DENND1A: variants seen among roughly 807,000 people sequenced by gnomAD.
The protein encoded by DENND1A is DENN domain containing 1A.
DENND1A carries 51 observed loss-of-function variants against 113.7 expected under a neutral mutation model. The ratio of observed to expected loss-of-function variants is 0.45; its 90% CI spans 0.36 to 0.57. The LOEUF is 0.57. Ranked by LOEUF, DENND1A falls within the 20% of genes least tolerant of loss-of-function variation. The pLI, the probability that DENND1A is intolerant of heterozygous loss-of-function variation, is 0.00. For missense variants in DENND1A, 1,258 were observed against 1,395.9 expected (o/e 0.90, Z 1.57); for synonymous variants, 565 against 570.8 (o/e 0.99, Z 0.14).
At chr9:123,601,091 T>C (rs963912322) in intron 11 of DENND1A, among the ~76,000 whole-genome samples, 6 of 152,216 alleles carry the variant, frequency 3.9e-5, no homozygotes, top group Admixed American at 3.3e-4. Context: ...TAAATGATGA[T>C]AGGAAAATAC....
intron 2 of DENND1A, among the ~76,000 whole-genome samples, chr9:123,847,741 C>T (rs989605565): frequency 2.0e-5 from 3 of 152,154 alleles, no homozygotes; most frequent in African/African-American, 4.8e-5. Context: ...TTGAGACCTG[C>T]CTGGCCAATA....
intron 13 of DENND1A, among the ~76,000 whole-genome samples, chr9:123,501,749 T>C (rs2052506003): frequency 6.6e-6 from 1 of 152,198 alleles, no homozygotes; most frequent in South Asian, 2.1e-4. Context: ...GTGGGCACCA[T>C]CTAATCAGCT....
At chr9:123,482,108 T>C (rs1044974458) in intron 13 of DENND1A, among the ~76,000 whole-genome samples, 20 of 151,176 alleles carry the variant, frequency 1.3e-4, no homozygotes, top group Non-Finnish European at 8.8e-5. Flanking sequence ...TCGGCCTTTA[T>C]TCTTTTTCAG....
intron 13 of DENND1A, among the ~76,000 whole-genome samples, chr9:123,496,562 C>A (rs2051934536): frequency 6.6e-6 from 1 of 152,230 alleles, no homozygotes; most frequent in Admixed American, 6.5e-5. Context: ...ACAGAACACA[C>A]TTTGTTAATT....
At position 123,422,642 on chromosome 9, in the gene DENND1A, TA is replaced by T. The variant is rs2045398637; in HGVS notation, c.1489-10814del. ...CCTCAGCAGAGTTTAAAATCCTAGC[TA>T]ATAGGTTAACAACTGTTTTTCTTCA... On this transcript the variant is annotated intron_variant, in intron 19 of 23. Transcript: ENST00000394215. The surrounding 1 kb of genome is among the most constrained non-coding windows in gnomAD (Gnocchi z 4.8). 6.6e-6 allele frequency among the ~76,000 whole-genome samples: 1 copy of T among 152,172 alleles called. No individual in the cohort carries two copies. The highest frequency in any genetic ancestry group is 1.5e-5 in the Non-Finnish European group (1 of 68,026).
intron 2 of DENND1A, among the ~76,000 whole-genome samples, chr9:123,843,871 T>C (rs1262329036): frequency 2.0e-5 from 3 of 152,140 alleles, no homozygotes; most frequent in African/African-American, 7.2e-5. Flanking sequence ...AATAAAGTAC[T>C]TACGATAGAA....
intron 5 of DENND1A, among the ~76,000 whole-genome samples, chr9:123,744,793 GAC>G (rs1192353605): frequency 2.2e-4 from 7 of 32,536 alleles, no homozygotes; most frequent in African/African-American, 3.3e-4. Context: ...TTTTTTTTTT[GAC>G]ACAGAGTCTT....
intron 11 of DENND1A, among the ~76,000 whole-genome samples, chr9:123,602,847 G>A (rs1378548807): frequency 6.6e-6 from 1 of 152,154 alleles, no homozygotes; most frequent in African/African-American, 2.4e-5. Flanking sequence ...TTTTGTTGTT[G>A]TTGTTGTTTT....
At chr9:123,865,020 T>C (rs1365924365) in intron 2 of DENND1A, among the ~76,000 whole-genome samples, 1 of 152,194 alleles carries the variant, frequency 6.6e-6, no homozygotes, top group Non-Finnish European at 1.5e-5. Context: ...AATCAGAACC[T>C]GAGTCATATT....
chr9:123,854,845 G>A lies in DENND1A; in HGVS notation c.88+24106C>T, dbSNP rs77102099. Among the ~76,000 whole-genome samples the A allele has an allele frequency of 2.0e-3, 296 of 150,828 alleles. 2 individuals are homozygous for A. Among genetic ancestry groups the A allele is most frequent in the Non-Finnish European group, 3.1e-3 (210 of 67,956 alleles). The stretch of plus-strand genomic sequence containing the variant: ...ATATATCTTCATCTTATCAGCTACC[G>A]AGATAGTACCAGACATTGCCACAAC... On this transcript the variant is annotated intron_variant, in intron 2 of 23. Coordinates refer to ENST00000394215, the MANE Select transcript of DENND1A (RefSeq NM_001352964.2).
At chr9:123,608,448 C>T (rs929020564) in intron 11 of DENND1A, among the ~76,000 whole-genome samples, 44 of 152,124 alleles carry the variant, frequency 2.9e-4, no homozygotes, top group African/African-American at 1.0e-3. Flanking sequence ...GAGCTTATCT[C>T]CTGTGCAACA....
intron 1 of DENND1A, among the ~76,000 whole-genome samples, chr9:123,880,901 C>T (rs911100168): frequency 6.6e-6 from 1 of 152,096 alleles, no homozygotes; most frequent in Non-Finnish European, 1.5e-5. Context: ...TAAATAAAGG[C>T]TTATATTATA....
chr9:123,393,369 T>C (rs1288246004), intron 21 of DENND1A, among the ~76,000 whole-genome samples: 1 of 152,100 alleles, frequency 6.6e-6, no homozygotes, highest in African/African-American at 2.4e-5. Context: ...CAGCTGAATG[T>C]ATGTCAGCAC....
At chr9:123,550,428 G>C (rs565786524) in intron 13 of DENND1A, among the ~76,000 whole-genome samples, 1 of 152,350 alleles carries the variant, frequency 6.6e-6, no homozygotes, top group Admixed American at 6.5e-5. Context: ...CCTTTCCACA[G>C]ACACTGGCAC....
intron 11 of DENND1A, among the ~76,000 whole-genome samples, chr9:123,594,506 A>C (rs2059599520): frequency 6.6e-6 from 1 of 151,970 alleles, no homozygotes; most frequent in African/African-American, 2.4e-5. Flanking sequence ...TTGCTCTGAC[A>C]CATTGTTTCA....
chr9:123,761,095 T>A (rs1034818044), intron 4 of DENND1A, among the ~76,000 whole-genome samples: 3 of 152,180 alleles, frequency 2.0e-5, no homozygotes, highest in Admixed American at 1.3e-4. Flanking sequence ...ACTTGTGAAT[T>A]GTGTGTCATT....
At chr9:123,526,256 G>C (rs1350285875) in intron 13 of DENND1A, among the ~76,000 whole-genome samples, 4 of 151,978 alleles carry the variant, frequency 2.6e-5, no homozygotes, top group Non-Finnish European at 5.9e-5. Context: ...CCTTTCCCTG[G>C]ATCTGGTCTC....
At chr9:123,850,546 A>C (rs1355022185) in intron 2 of DENND1A, among the ~76,000 whole-genome samples, 2 of 152,140 alleles carry the variant, frequency 1.3e-5, no homozygotes, top group African/African-American at 2.4e-5. Context: ...ACTAAACTGA[A>C]CCTGCAATAT....
intron 13 of DENND1A, among the ~76,000 whole-genome samples, chr9:123,501,735 T>C (rs1471129267): frequency 6.6e-6 from 1 of 152,206 alleles, no homozygotes; most frequent in East Asian, 1.9e-4. Context: ...CCACCCTTAA[T>C]CTGGTGGGCA....
Sources: gnomAD v4.1 joint callset for allele counts (sites outside exome capture counted in the v4.1 genomes callset) on GRCh38, gnomAD v4.1.1 for gene constraint, Gnocchi (gnomAD v3.1) non-coding constraint, MANE v1.5 for transcripts, NCBI Gene and HGNC (gene_info 2026-07-23, HGNC 2026-07-21) for gene names.